Variants in TFAP2A observed in about 807,000 individuals in gnomAD.
The protein encoded by TFAP2A is transcription factor AP-2 alpha.
In TFAP2A, 7 loss-of-function variants were observed where a neutral mutation model predicts 41.5. The observed-to-expected ratio is 0.17, with a 90% CI of 0.10 to 0.32. TFAP2A has a LOEUF of 0.32. Among genes scored for constraint, TFAP2A ranks in the 10% least tolerant of loss-of-function variants. TFAP2A has a pLI of 1.00. For missense variants in TFAP2A, 416 were observed against 563.3 expected, an observed-to-expected ratio of 0.74 and a Z score of 2.65; for synonymous variants, 247 against 242.8, an observed-to-expected ratio of 1.02 and a Z score of -0.16.
chr6:10,397,701 T>C lies in TFAP2A; in HGVS notation c.*716A>G. On this transcript the variant is annotated 3_prime_UTR_variant, in exon 7 of 7. Coordinates refer to ENST00000379613, the MANE Select transcript of TFAP2A (RefSeq NM_001372066.1). ...TAAAACAGACTCACCATATTTACAATTCCCATTAAATTACACATAAATAAA... is the reference window on the plus strand; with the variant it reads ...TAAAACAGACTCACCATATTTACAACTCCCATTAAATTACACATAAATAAA... 3.8e-6 allele frequency: 1 copy of C among 265,870 alleles called. No homozygotes were observed. Among genetic ancestry groups the C allele is most frequent in the Non-Finnish European group, 5.8e-6 (1 of 172,276 alleles). 16.5% of individuals were successfully genotyped at this position (265,870 alleles called of 1,614,324 possible).
chr6:10,400,402 C>T, intron 6 of TFAP2A, 46 bp downstream of exon 6: 1 of 1,613,862 alleles, frequency 6.2e-7, no homozygotes, highest in Non-Finnish European at 8.5e-7. Flanking sequence ...GTTTCTCTTT[C>T]TCTTGACAAC....
intron 5 of TFAP2A, 47 bp from the exon 6 acceptor site, chr6:10,400,636 G>A: frequency 6.2e-7 from 1 of 1,610,596 alleles, no homozygotes; most frequent in Non-Finnish European, 8.5e-7. Context: ...AATGAAGAGT[G>A]GGGATCCTAA....
chr6:10,415,428 A>G, upstream of TFAP2A: 1 of 388,712 alleles, frequency 2.6e-6, no homozygotes, highest in Non-Finnish European at 4.2e-6. Context: ...AGCGCACTCC[A>G]GCCTGCGAAC....
chr6:10,405,008 G>T, intron 3 of TFAP2A: 1 of 551,334 alleles, frequency 1.8e-6, no homozygotes, highest in South Asian at 2.1e-5. Context: ...CCCCTTCGCC[G>T]TCAAGGGTGC....
rs1368219137 is a variant in TFAP2A, at chr6:10,400,412, C to CGA, written c.1031+34_1031+35dup. ...TTTTTGTTTCTCTTTCTCTTGACAA[C>CGA]GAGACACAGAGACCCCATAGAGGTA... On this transcript the variant is annotated intron_variant, in intron 6 of 6. Coordinates refer to ENST00000379613, the MANE Select transcript of TFAP2A (RefSeq NM_001372066.1). The CGA allele has an allele frequency of 2.5e-6, 4 of 1,613,858 alleles. No individual in the cohort carries two copies. The East Asian group carries it at 8.9e-5, about 36-fold the overall frequency.
At chr6:10,414,759 C>T in intron 1 of TFAP2A, 182 bp downstream of exon 1, 1 of 815,124 alleles carries the variant, frequency 1.2e-6, no homozygotes. Context: ...AGGGAGCATC[C>T]ACGTCCTCTC....
upstream of TFAP2A, among the ~76,000 whole-genome samples, chr6:10,418,907 C>T (rs1173419242): frequency 6.6e-6 from 1 of 152,168 alleles, no homozygotes; most frequent in Non-Finnish European, 1.5e-5. Context: ...ATTCTTCACA[C>T]ATCCTAGATC....
At chr6:10,411,401 A>G (rs542596779) in intron 1 of TFAP2A, among the ~76,000 whole-genome samples, 12 of 151,760 alleles carry the variant, frequency 7.9e-5, no homozygotes, top group Admixed American at 3.3e-4. Context: ...CGATTTAGGG[A>G]TGGAAAAGAG....
At chr6:10,414,623 T>C (rs1758164815) in intron 1 of TFAP2A, 1 of 533,354 alleles carries the variant, frequency 1.9e-6, no homozygotes, top group Admixed American at 3.1e-5. Context: ...CACAGGCAAG[T>C]GCCCAGTTGC....
chr6:10,415,005 C>T lies in TFAP2A; in HGVS notation c.-14G>A, dbSNP rs76066093. On this transcript the variant is annotated 5_prime_UTR_variant, in exon 1 of 7. Coordinates refer to ENST00000379613, the MANE Select transcript of TFAP2A (RefSeq NM_001372066.1). ...AAGCATTTTCATGGATCGGCGTGAA[C>T]GGATATGCCCCTCTCGGTCTCGCAC... The T allele has an allele frequency of 5.6e-6, 9 of 1,614,078 alleles. No homozygotes were observed. The highest frequency in any genetic ancestry group is 1.1e-5 in the South Asian group (1 of 91,074).
At chr6:10,413,131 C>A (rs1758073770) in intron 1 of TFAP2A, among the ~76,000 whole-genome samples, 1 of 152,350 alleles carries the variant, frequency 6.6e-6, no homozygotes. Context: ...ACAAGCGGCA[C>A]CTCGCCTCCT....
intron 2 of TFAP2A, among the ~76,000 whole-genome samples, chr6:10,408,555 A>G (rs540249674): frequency 3.3e-4 from 50 of 152,356 alleles, no homozygotes; most frequent in Non-Finnish European, 5.9e-4. Flanking sequence ...TCTTATATAA[A>G]TTAGTGCTCC....
intron 2 of TFAP2A, among the ~76,000 whole-genome samples, chr6:10,408,575 C>G (rs1346623385): frequency 6.6e-6 from 1 of 152,044 alleles, no homozygotes; most frequent in Non-Finnish European, 1.5e-5. Flanking sequence ...CTCTCACTTC[C>G]AAAAAAATGC....
Position 10,398,363 on chromosome 6 carries a change from G to A in TFAP2A, c.*54C>T. ...TCCCGGAGCTGTCACCCGCCGGAGGGTGGGCGCGCGGGGGGCTGGTGAGGC... is the reference window on the plus strand; with the variant it reads ...TCCCGGAGCTGTCACCCGCCGGAGGATGGGCGCGCGGGGGGCTGGTGAGGC... On this transcript the variant is annotated 3_prime_UTR_variant, in exon 7 of 7. Transcript: ENST00000379613. The surrounding 1 kb of genome is among the most constrained non-coding windows in gnomAD (Gnocchi z 5.3). 1 of 1,609,724 alleles carries A rather than the reference G, an allele frequency of 6.2e-7. No homozygotes were observed. The highest frequency in any genetic ancestry group is 8.5e-7 in the Non-Finnish European group (1 of 1,178,730).
rs1437626762 is a variant in TFAP2A at position 10,398,052 on chromosome 6, G to A, written c.*365C>T. On this transcript the variant is annotated 3_prime_UTR_variant, in exon 7 of 7. Transcript: ENST00000379613. This position sits in a 1 kb window ranked among gnomAD's most constrained non-coding sequence, Gnocchi z 5.3. ...AAAAAAGTTTTTAATTTTTGTTGTT[G>A]TTGTTGCTGTTGTTGATTTGTTGTT... is the stretch of plus-strand genomic sequence containing the variant. The A allele has an allele frequency of 9.1e-7, 1 of 1,101,068 alleles. No individual in the cohort carries two copies. The highest frequency in any genetic ancestry group is 1.7e-5 in the African/African-American group (1 of 58,664). The allele number at this position is 1,101,068 out of a possible 1,614,324, so 68.2% of individuals were successfully genotyped here.
upstream of TFAP2A, chr6:10,415,956 A>C (rs1484827566): frequency 6.6e-6 from 1 of 152,208 alleles, no homozygotes; most frequent in African/African-American, 2.4e-5. Flanking sequence ...CAGGGGTTAA[A>C]CAATTTTTCT....
intron 1 of TFAP2A, among the ~76,000 whole-genome samples, chr6:10,413,233 A>G (rs1313695301): frequency 1.3e-5 from 2 of 152,208 alleles, no homozygotes; most frequent in Non-Finnish European, 2.9e-5. Flanking sequence ...CACCACGGCC[A>G]AAGTTGTGGA....
chr6:10,410,419 C>T lies in TFAP2A; in HGVS notation c.52-84G>A. On this transcript the variant is annotated intron_variant, in intron 1 of 6. Transcript: ENST00000379613. ...TCCACACAAAATCCACTTGACAAGT[C>T]TGCGTGGGAAATCGCCCGTTCCCGT... is the stretch of plus-strand genomic sequence containing the variant. 6 of 1,418,054 alleles carry T rather than the reference C, an allele frequency of 4.2e-6. No homozygotes were observed. In the South Asian group the frequency reaches 7.3e-5, roughly 17 times the overall value. 87.8% of individuals were successfully genotyped at this position (1,418,054 alleles called of 1,614,324 possible).
At position 10,400,915 on chromosome 6, in the gene TFAP2A, C is replaced by T. The variant is rs1174129280; in HGVS notation, c.890-326G>A. On this transcript the variant is annotated intron_variant, in intron 5 of 6. Coordinates refer to ENST00000379613, the MANE Select transcript of TFAP2A (RefSeq NM_001372066.1). ...TGCTTCTTGTATTCCAACTTCACACCTATCAACACATTCATAAATGATATT... is the reference window on the plus strand; with the variant it reads ...TGCTTCTTGTATTCCAACTTCACACTTATCAACACATTCATAAATGATATT... 8.0e-6 allele frequency: 4 copies of T among 499,296 alleles called. No individual in the cohort carries two copies. The Admixed American group carries it at 1.0e-4, about 13-fold the overall frequency. The allele number at this position is 499,296 out of a possible 1,614,324, so 30.9% of individuals were successfully genotyped here.
Sources: gnomAD v4.1 joint callset for allele counts (sites outside exome capture counted in the v4.1 genomes callset) on GRCh38, gnomAD v4.1.1 for gene constraint, Gnocchi (gnomAD v3.1) non-coding constraint, MANE v1.5 for transcripts, NCBI Gene and HGNC (gene_info 2026-07-23, HGNC 2026-07-21) for gene names.